The following ROBO1 variants were observed in gnomAD, a reference collection of about 807,000 sequenced individuals.
The protein encoded by ROBO1 is roundabout homolog 1.
ROBO1 carries 149 observed loss-of-function variants against 195.9 expected under a neutral mutation model. The ratio of observed to expected loss-of-function variants is 0.76; its 90% CI spans 0.67 to 0.87. The LOEUF (loss-of-function observed/expected upper bound fraction) is 0.87. Among genes scored for constraint, ROBO1 ranks in the 40% least tolerant of loss-of-function variants. The pLI, the probability that ROBO1 is intolerant of heterozygous loss-of-function variation, is 0.00. For missense variants in ROBO1, 1,933 were observed against 2,068.3 expected (o/e 0.93, Z 1.27); for synonymous variants, 816 against 733.2 (o/e 1.11, Z -1.82).
rs558731938 is a variant in ROBO1 at position 79,233,527 on chromosome 3, C to T, written c.89-107988G>A. Reference sequence around the variant, plus strand: ...AGAAGTGAACCTGATTACAGGTTAACTAACAAGTGGGATCCAATGCAGAGA... The same window carrying T: ...AGAAGTGAACCTGATTACAGGTTAATTAACAAGTGGGATCCAATGCAGAGA... On this transcript the variant is annotated intron_variant, in intron 2 of 30. Transcript: ENST00000464233. 1.3e-4 allele frequency among the ~76,000 whole-genome samples: 20 copies of T among 152,190 alleles called. No individual in the cohort carries two copies. In the South Asian group the frequency reaches 4.1e-3, roughly 32 times the overall value.
At chr3:79,414,553 A>G (rs2037918467) in intron 2 of ROBO1, among the ~76,000 whole-genome samples, 1 of 152,122 alleles carries the variant, frequency 6.6e-6, no homozygotes. Flanking sequence ...TAGTATTAGA[A>G]GATGTTATAG....
At chr3:78,674,728 T>C (rs1708290097) in intron 10 of ROBO1, among the ~76,000 whole-genome samples, 1 of 152,208 alleles carries the variant, frequency 6.6e-6, no homozygotes, top group African/African-American at 2.4e-5. Flanking sequence ...CAATTTGTGA[T>C]AACGTCATGT....
chr3:78,961,506 G>C (rs901778688), intron 3 of ROBO1, among the ~76,000 whole-genome samples: 4 of 152,130 alleles, frequency 2.6e-5, no homozygotes, highest in Non-Finnish European at 4.4e-5. Context: ...TAGAACAATA[G>C]CTAAAATGTA....
intron 2 of ROBO1, among the ~76,000 whole-genome samples, chr3:79,199,662 T>C (rs2081724667): frequency 6.6e-6 from 1 of 151,758 alleles, no homozygotes; most frequent in African/African-American, 2.4e-5. Context: ...GTAGTTAAAA[T>C]AACATTTCCA....
chr3:79,081,178 ATT>A (rs879641396), intron 3 of ROBO1, among the ~76,000 whole-genome samples: 1 of 146,848 alleles, frequency 6.8e-6, no homozygotes. Flanking sequence ...TTCCGATAGG[ATT>A]TTTTTTTTTG....
At chr3:79,277,635 A>T (rs1042224848) in intron 2 of ROBO1, among the ~76,000 whole-genome samples, 1 of 152,106 alleles carries the variant, frequency 6.6e-6, no homozygotes, top group Non-Finnish European at 1.5e-5. Context: ...TGGATTGTTT[A>T]TAACACAAAG....
intron 2 of ROBO1, among the ~76,000 whole-genome samples, chr3:79,143,359 T>C (rs1451529291): frequency 6.6e-6 from 1 of 152,034 alleles, no homozygotes; most frequent in Non-Finnish European, 1.5e-5. Context: ...TAATTATACA[T>C]AATTCTGGCA....
At chr3:79,609,170 C>G (rs1420017638) in intron 1 of ROBO1, among the ~76,000 whole-genome samples, 1 of 151,580 alleles carries the variant, frequency 6.6e-6, no homozygotes, top group East Asian at 1.9e-4. Context: ...GCAGCACAAA[C>G]AGACTAAGAC....
chr3:78,731,402 A>G (rs1335295819), intron 5 of ROBO1, among the ~76,000 whole-genome samples: 1 of 152,150 alleles, frequency 6.6e-6, no homozygotes, highest in African/African-American at 2.4e-5. Context: ...ACTAGAAGTT[A>G]TATCAGTCAG....
At chr3:78,704,610 A>G (rs1343990455) in intron 8 of ROBO1, among the ~76,000 whole-genome samples, 1 of 147,774 alleles carries the variant, frequency 6.8e-6, no homozygotes, top group Non-Finnish European at 1.5e-5. Context: ...ACACACACAC[A>G]CACAGACACA....
At chr3:79,449,113 C>T (rs1483409832) in intron 2 of ROBO1, among the ~76,000 whole-genome samples, 1 of 151,998 alleles carries the variant, frequency 6.6e-6, no homozygotes, top group Non-Finnish European at 1.5e-5. Flanking sequence ...CATCTATAAT[C>T]CCAGATACTC....
chr3:78,950,194 A>G (rs1318207412), intron 3 of ROBO1, among the ~76,000 whole-genome samples: 6 of 152,138 alleles, frequency 3.9e-5, no homozygotes, highest in Admixed American at 6.6e-5. Flanking sequence ...TCATGCTGCT[A>G]TAAAGACACA....
chr3:78,742,590 T>A (rs1285979358), intron 5 of ROBO1, among the ~76,000 whole-genome samples: 1 of 152,204 alleles, frequency 6.6e-6, no homozygotes, highest in African/African-American at 2.4e-5. Context: ...GCTTTTTACC[T>A]CCAGTGTTTT....
At chr3:79,085,167 C>T (rs1317707773) in intron 3 of ROBO1, among the ~76,000 whole-genome samples, 5 of 152,100 alleles carry the variant, frequency 3.3e-5, no homozygotes, top group Non-Finnish European at 7.4e-5. Context: ...TTTAATAAAA[C>T]CTTCCAAAAT....
intron 4 of ROBO1, among the ~76,000 whole-genome samples, chr3:78,933,065 A>T (rs2039617748): frequency 6.6e-6 from 1 of 152,126 alleles, no homozygotes; most frequent in Admixed American, 6.5e-5. Flanking sequence ...AACTAAACAG[A>T]TATGTGAGCC....
rs1702922394 is a variant in ROBO1 at position 78,597,835 on chromosome 3, A to C, written c.*1078T>G. 6.6e-6 allele frequency: 1 copy of C among 152,366 alleles called. No homozygotes were observed. Among genetic ancestry groups the C allele is most frequent in the Non-Finnish European group, 1.5e-5 (1 of 67,988 alleles). The allele number at this position is 152,366 out of a possible 1,614,324, so 9.4% of individuals were successfully genotyped here. On this transcript the variant is annotated 3_prime_UTR_variant, in exon 31 of 31. Transcript: ENST00000464233. The stretch of plus-strand genomic sequence containing the variant: ...TCAAATATTCCAAATACAAACATAG[A>C]GCATTAACAAAACAGGTTAAAAACG...
At chr3:79,531,458 C>T (rs1283322894) in intron 2 of ROBO1, among the ~76,000 whole-genome samples, 1 of 152,022 alleles carries the variant, frequency 6.6e-6, no homozygotes, top group Non-Finnish European at 1.5e-5. Flanking sequence ...CCCATCTCTA[C>T]TAAAAATACA....
intron 2 of ROBO1, among the ~76,000 whole-genome samples, chr3:79,564,035 TA>T (rs35020571): frequency 1.1e-4 from 16 of 148,098 alleles, no homozygotes; most frequent in South Asian, 4.3e-4. Context: ...ATGGTAAAAT[TA>T]AAAAAAAAAC....
chr3:79,727,986 A>C (rs1409840469), intron 1 of ROBO1, among the ~76,000 whole-genome samples: 1 of 152,084 alleles, frequency 6.6e-6, no homozygotes, highest in Non-Finnish European at 1.5e-5. Flanking sequence ...TCATTTCTAG[A>C]TTAATGTTCT....
Sources: allele counts gnomAD v4.1 joint callset (sites outside exome capture counted in the v4.1 genomes callset), GRCh38; gene constraint gnomAD v4.1.1; transcripts MANE v1.5; gene names NCBI Gene and HGNC (gene_info 2026-07-23, HGNC 2026-07-21).